The following USP24 variants were observed in gnomAD, a reference collection of about 807,000 sequenced individuals.
The protein encoded by USP24 is ubiquitin specific peptidase 24.
USP24 carries 97 observed loss-of-function variants against 361.6 expected under a neutral mutation model. The ratio of observed to expected loss-of-function variants is 0.27; its 90% CI spans 0.23 to 0.32. The LOEUF is 0.32. Among genes scored for constraint, USP24 ranks in the 10% least tolerant of loss-of-function variants. The pLI is 1.00. For missense variants in USP24, 2,353 were observed against 3,165.6 expected (o/e 0.74, Z 6.16); for synonymous variants, 1,098 against 1,124.6 (o/e 0.98, Z 0.47).
intron 7 of USP24, among the ~76,000 whole-genome samples, chr1:55,165,634 G>T (rs1253281783): frequency 6.6e-6 from 1 of 151,982 alleles, no homozygotes; most frequent in South Asian, 2.1e-4. Flanking sequence ...ATAATTTCAT[G>T]TAACCATTAC....
intron 56 of USP24, chr1:55,084,411 C>A (rs1174474456): frequency 6.6e-6 from 1 of 152,338 alleles, no homozygotes; most frequent in Non-Finnish European, 1.5e-5. Context: ...CCGCTGACGC[C>A]TCATGGAAAG....
At chr1:55,156,843 T>G (rs1182178841) in intron 12 of USP24, 105 bp downstream of exon 12, 4 of 782,084 alleles carry the variant, frequency 5.1e-6, no homozygotes, top group Non-Finnish European at 4.3e-6. Flanking sequence ...CTGCTCTGTT[T>G]AAAGCAAGAT....
intron 16 of USP24, 127 bp from the exon 17 acceptor site, chr1:55,148,697 G>A: frequency 1.5e-6 from 1 of 658,390 alleles, no homozygotes; most frequent in Non-Finnish European, 2.5e-6. Context: ...TCTTTATATT[G>A]ACCATTTAGA....
At chr1:55,079,727 A>G (rs1260047186) in intron 59 of USP24, 68 bp from the exon 60 acceptor site, 54 of 1,430,126 alleles carry the variant, frequency 3.8e-5, no homozygotes, top group East Asian at 2.3e-4. Flanking sequence ...ATACACATCC[A>G]TAAGAAAATG....
At chr1:55,094,696 T>TAAAAAAAAA (rs35026432) in intron 51 of USP24, among the ~76,000 whole-genome samples, 1 of 109,012 alleles carries the variant, frequency 9.2e-6, no homozygotes. Flanking sequence ...CTGCTAACAT[T>TAAAAAAAAA]AAAAAAAAAA....
intron 1 of USP24, among the ~76,000 whole-genome samples, chr1:55,197,197 C>A (rs1052633126): frequency 9.9e-5 from 15 of 152,276 alleles, no homozygotes; most frequent in African/African-American, 3.4e-4. Flanking sequence ...CTCTGTGAGG[C>A]CTTCCTTGAA....
chr1:55,120,937 C>T (rs930452379), intron 37 of USP24, among the ~76,000 whole-genome samples, 181 bp from the exon 38 acceptor site: 17 of 152,162 alleles, frequency 1.1e-4, no homozygotes, highest in South Asian at 4.1e-4. Context: ...AAACCCACTG[C>T]GGTTTGGGAA....
At chr1:55,164,397 G>C (rs561588250) in intron 7 of USP24, among the ~76,000 whole-genome samples, 6 of 152,040 alleles carry the variant, frequency 3.9e-5, no homozygotes, top group African/African-American at 1.4e-4. Context: ...TTAACTAGTG[G>C]GCTTGTGAGT....
chr1:55,103,827 C>T (rs762927850), intron 42 of USP24, 49 bp downstream of exon 42: 1 of 1,568,246 alleles, frequency 6.4e-7, no homozygotes, highest in South Asian at 1.2e-5. Context: ...TTATATGTTT[C>T]AGAGATCATT....
chr1:55,188,486 AC>A (rs1328042276), intron 1 of USP24, among the ~76,000 whole-genome samples: 2 of 152,172 alleles, frequency 1.3e-5, no homozygotes, highest in East Asian at 3.9e-4. Flanking sequence ...CAAAAAAAAA[AC>A]CTTACAACTC....
intron 1 of USP24, among the ~76,000 whole-genome samples, chr1:55,193,800 T>C (rs541675124): frequency 6.6e-6 from 1 of 152,302 alleles, no homozygotes; most frequent in Admixed American, 6.5e-5. Flanking sequence ...ATCCTCATTT[T>C]TTACATGAGC....
intron 52 of USP24, 82 bp downstream of exon 52, chr1:55,093,855 G>GC: frequency 6.5e-7 from 1 of 1,549,130 alleles, no homozygotes; most frequent in Non-Finnish European, 8.8e-7. Flanking sequence ...AACTAATCCA[G>GC]CAGAAGTACT....
At chr1:55,073,239 A>T (rs1222894583) in intron 64 of USP24, among the ~76,000 whole-genome samples, 1 of 149,768 alleles carries the variant, frequency 6.7e-6, no homozygotes, top group African/African-American at 2.5e-5. Flanking sequence ...CACCACAATT[A>T]AAAAAAAAAG....
At chr1:55,117,742 CAAAAAAAA>C (rs58149121) in intron 38 of USP24, among the ~76,000 whole-genome samples, 18 of 66,846 alleles carry the variant, frequency 2.7e-4, no homozygotes, top group African/African-American at 3.8e-4. Flanking sequence ...GACTCCGTCT[CAAAAAAAA>C]AAAAAAAAAA....
intron 5 of USP24, among the ~76,000 whole-genome samples, chr1:55,167,338 G>C (rs1169490745): frequency 1.3e-5 from 2 of 151,540 alleles, no homozygotes; most frequent in African/African-American, 4.9e-5. Flanking sequence ...CAGGCAGAGA[G>C]GCTAAAATGG....
intron 47 of USP24, 31 bp from the exon 48 acceptor site, chr1:55,097,748 T>C (rs765761350): frequency 1.3e-6 from 2 of 1,521,818 alleles, no homozygotes; most frequent in Non-Finnish European, 1.8e-6. Context: ...AAAGAGCAAA[T>C]CTGAATGATC....
rs752969149 is a variant in USP24 at position 55,107,381 on chromosome 1, A to G, written c.4620T>C (p.Asp1540=). 6.2e-7 allele frequency: 1 copy of G among 1,609,906 alleles called. No homozygotes were observed. Among genetic ancestry groups the G allele is most frequent in the South Asian group, 1.1e-5 (1 of 90,950 alleles). The change falls in exon 40 of 68, where the codon GAT becomes GAC. Residue 1540 remains aspartate, a synonymous_variant. Transcript: ENST00000294383. ...LRISPATMLE[D]EITWLDNFEP... is the part of the protein sequence containing the mutation. Reference sequence around the variant, plus strand: ...CAAAGTTATCCAGCCAAGTAATCTCATCTTCAAGCATCGTAGCTGGGCTGA... The same window carrying G: ...CAAAGTTATCCAGCCAAGTAATCTCGTCTTCAAGCATCGTAGCTGGGCTGA...
chr1:55,145,606 A>G (rs562715784), intron 20 of USP24, among the ~76,000 whole-genome samples: 1 of 152,334 alleles, frequency 6.6e-6, no homozygotes, highest in East Asian at 1.9e-4. Flanking sequence ...TGAATATACT[A>G]AAAGCCACCA....
At chr1:55,074,692 T>C (rs568509304) in intron 63 of USP24, among the ~76,000 whole-genome samples, 14 of 150,918 alleles carry the variant, frequency 9.3e-5, no homozygotes, top group Non-Finnish European at 2.1e-4. Context: ...AAATAAAAAA[T>C]AATACTTGGT....
Sources: gnomAD v4.1 joint callset for allele counts (sites outside exome capture counted in the v4.1 genomes callset) on GRCh38, gnomAD v4.1.1 for gene constraint, MANE v1.5 for transcripts, NCBI Gene and HGNC (gene_info 2026-07-23, HGNC 2026-07-21) for gene names.